Variants in SBF2 observed in about 807,000 individuals in gnomAD.
SBF2 encodes the protein SET binding factor 2.
A neutral mutation model predicts 225.2 loss-of-function variants in SBF2; 112 were observed. That is an observed-to-expected ratio of 0.50 (90% CI 0.43 to 0.58). SBF2 has a LOEUF of 0.58. Ranked by LOEUF, SBF2 falls within the 20% of genes least tolerant of loss-of-function variation. The probability of loss-of-function intolerance (pLI) is 0.00; values close to 1 mark genes in which losing one functional copy is unlikely to be tolerated. For synonymous variants in SBF2, 763 were observed against 773.3 expected, an observed-to-expected ratio of 0.99 and a Z score of 0.22; for missense variants, 1,996 against 2,206.2, an observed-to-expected ratio of 0.90 and a Z score of 1.91.
intron 13 of SBF2, among the ~76,000 whole-genome samples, chr11:9,974,655 C>CAAAA (rs756406933): frequency 2.0e-5 from 2 of 98,432 alleles, no homozygotes. Flanking sequence ...CAACACCGCC[C>CAAAA]AAAAAAAAAA....
At chr11:9,918,519 AATTTTTGT>A (rs1235378554) in intron 16 of SBF2, among the ~76,000 whole-genome samples, 2 of 151,836 alleles carry the variant, frequency 1.3e-5, no homozygotes, top group African/African-American at 2.4e-5. Flanking sequence ...ATGCCTGGCT[AATTTTTGT>A]ATTTTTGTAT....
intron 13 of SBF2, among the ~76,000 whole-genome samples, chr11:9,974,867 G>A (rs1431936524): frequency 6.7e-6 from 1 of 149,310 alleles, no homozygotes; most frequent in East Asian, 2.0e-4. Flanking sequence ...GGCTGAGGCA[G>A]GAGAATCGCT....
At chr11:9,859,159 A>C (rs1857531864) in intron 17 of SBF2, among the ~76,000 whole-genome samples, 1 of 152,224 alleles carries the variant, frequency 6.6e-6, no homozygotes, top group Non-Finnish European at 1.5e-5. Flanking sequence ...TATATATTTA[A>C]GTTTGTTTAG....
chr11:9,799,616 T>TA (rs1435610636), intron 32 of SBF2, among the ~76,000 whole-genome samples: 1 of 152,242 alleles, frequency 6.6e-6, no homozygotes, highest in Non-Finnish European at 1.5e-5. Flanking sequence ...AGTACCTAGA[T>TA]ACCACGTTTA....
Position 10,287,420 on chromosome 11 carries a change from T to C in SBF2, c.55+6595A>G, listed in dbSNP as rs150906390. On this transcript the variant is annotated intron_variant, in intron 1 of 39. Transcript: ENST00000256190. ...TCTTAGCATCCGAAGTAGCTGGAAC[T>C]ACAGACATGTGTCACCACGCCAGGC... Among the ~76,000 whole-genome samples, 1,032 of 151,766 alleles carry C rather than the reference T, an allele frequency of 6.8e-3. 10 individuals carry two copies. Among genetic ancestry groups the C allele is most frequent in the African/African-American group, 0.024 (978 of 41,362 alleles).
intron 25 of SBF2, among the ~76,000 whole-genome samples, chr11:9,840,024 G>A (rs1856008500): frequency 2.0e-5 from 3 of 152,228 alleles, no homozygotes; most frequent in Admixed American, 6.5e-5. Flanking sequence ...CACAAGGTCA[G>A]GAGTTCGAGA....
chr11:10,130,166 T>C (rs1445175901), intron 2 of SBF2, among the ~76,000 whole-genome samples: 1 of 151,954 alleles, frequency 6.6e-6, no homozygotes, highest in African/African-American at 2.4e-5. Context: ...ATTGAAACCA[T>C]CCTGGCTAAC....
At chr11:9,978,669 G>A (rs1946807796) in intron 13 of SBF2, among the ~76,000 whole-genome samples, 1 of 152,016 alleles carries the variant, frequency 6.6e-6, no homozygotes, top group Non-Finnish European at 1.5e-5. Flanking sequence ...TTGAGACAGG[G>A]TCTCACTTTA....
At chr11:9,805,418 T>C (rs1279239487) in intron 32 of SBF2, among the ~76,000 whole-genome samples, 2 of 152,138 alleles carry the variant, frequency 1.3e-5, no homozygotes, top group South Asian at 2.1e-4. Context: ...CCAGATTGTG[T>C]AGCCATTCAC....
At position 9,784,371 on chromosome 11, in the gene SBF2, A is replaced by G. The variant is rs1364961105; in HGVS notation, c.5299T>C (p.Leu1767=). The change falls in exon 38 of 40, where the codon TTG becomes CTG. Residue 1767 remains leucine (L), a synonymous_variant. Coordinates refer to ENST00000256190, the MANE Select transcript of SBF2 (RefSeq NM_030962.4). The stretch of plus-strand genomic sequence containing the variant: ...ATTACCTGATGTTTTGTTACATCCA[A>G]AACAAACCAACGGGGCTTCCAACCT... The part of the protein sequence containing the change: ...LKGWKPRWFV[L]DVTKHQLRYY... 3 of 1,613,992 alleles carry G rather than the reference A, an allele frequency of 1.9e-6. No homozygotes were observed. Among genetic ancestry groups the G allele is most frequent in the African/African-American group, 1.3e-5 (1 of 74,944 alleles).
At position 9,908,626 on chromosome 11, in the gene SBF2, CA is replaced by C. The variant is rs536864299; in HGVS notation, c.1861-12616del. ...TAGGCGACAGAGCGAGACTCCGTCT[CA>C]AAAAAAAAAAGTCTTATCTTTATTT... On this transcript the variant is annotated intron_variant, in intron 16 of 39. Transcript: ENST00000256190. Among the ~76,000 whole-genome samples, 987 of 144,048 alleles carry C rather than the reference CA, an allele frequency of 6.9e-3. 4 individuals are homozygous for C. Among genetic ancestry groups the C allele is most frequent in the African/African-American group, 0.011 (422 of 39,938 alleles). The allele number at this position is 144,048 out of a possible 152,430, so 94.5% of individuals were successfully genotyped here.
intron 2 of SBF2, among the ~76,000 whole-genome samples, chr11:10,062,117 T>C (rs967993713): frequency 3.9e-5 from 6 of 152,178 alleles, no homozygotes; most frequent in Middle Eastern, 3.2e-3. Flanking sequence ...TAAATGGTAC[T>C]GGGATAACTG....
At chr11:10,165,298 T>G (rs1168934942) in intron 2 of SBF2, among the ~76,000 whole-genome samples, 1 of 152,184 alleles carries the variant, frequency 6.6e-6, no homozygotes, top group Non-Finnish European at 1.5e-5. Context: ...CTATTGGTAT[T>G]TGAAGCTTGC....
chr11:10,064,909 TGTCA>T (rs1950577210), intron 2 of SBF2, among the ~76,000 whole-genome samples: 1 of 152,204 alleles, frequency 6.6e-6, no homozygotes, highest in Non-Finnish European at 1.5e-5. Flanking sequence ...CTGAACAATC[TGTCA>T]ATCAACTTGA....
chr11:10,136,931 T>C (rs976059332), intron 2 of SBF2, among the ~76,000 whole-genome samples: 1 of 152,258 alleles, frequency 6.6e-6, no homozygotes, highest in Non-Finnish European at 1.5e-5. Context: ...TATATAATCT[T>C]GTCCATGTAC....
At chr11:9,846,764 T>C (rs1323250245) in intron 23 of SBF2, among the ~76,000 whole-genome samples, 192 bp downstream of exon 23, 1 of 152,184 alleles carries the variant, frequency 6.6e-6, no homozygotes, top group Non-Finnish European at 1.5e-5. Flanking sequence ...CTGAGTTGGC[T>C]AAGGGGCTCC....
chr11:9,932,957 CAAAAAAAAAAAAA>C (rs574177096), intron 16 of SBF2, among the ~76,000 whole-genome samples: 5 of 58,742 alleles, frequency 8.5e-5, no homozygotes, highest in Admixed American at 5.5e-4. Context: ...AAACGAAAAG[CAAAAAAAAAAAAA>C]AAAAAAAAAA....
chr11:10,069,276 T>C (rs1022307093), intron 2 of SBF2, among the ~76,000 whole-genome samples: 1 of 151,962 alleles, frequency 6.6e-6, no homozygotes, highest in Non-Finnish European at 1.5e-5. Context: ...AACTCATCAT[T>C]TATATTAGGT....
intron 6 of SBF2, among the ~76,000 whole-genome samples, chr11:10,005,565 C>T (rs1948154026): frequency 1.3e-5 from 2 of 152,226 alleles, no homozygotes; most frequent in South Asian, 4.2e-4. Flanking sequence ...CTAAAATTTG[C>T]CTTGGTCTCT....
Sources: allele counts gnomAD v4.1 joint callset (sites outside exome capture counted in the v4.1 genomes callset), GRCh38; gene constraint gnomAD v4.1.1; transcripts MANE v1.5; gene names NCBI Gene and HGNC (gene_info 2026-07-23, HGNC 2026-07-21).